Variants in GALNT18 observed in about 807,000 individuals in gnomAD.
GALNT18 encodes the protein GalNAc-transferase 18.
A neutral mutation model predicts 69.5 loss-of-function variants in GALNT18; 44 were observed. The ratio of observed to expected loss-of-function variants is 0.63; its 90% confidence interval spans 0.50 to 0.81. The LOEUF (loss-of-function observed/expected upper bound fraction) is 0.81. Ranked by LOEUF, GALNT18 falls within the 40% of genes least tolerant of loss-of-function variation. The pLI is 0.00. For missense variants in GALNT18, 715 were observed against 810.0 expected (o/e 0.88, Z 1.42); for synonymous variants, 364 against 318.2 (o/e 1.14, Z -1.53).
chr11:11,275,556 T>G (rs1160604192), intron 10 of GALNT18, among the ~76,000 whole-genome samples: 1 of 152,230 alleles, frequency 6.6e-6, no homozygotes, highest in East Asian at 1.9e-4. Context: ...ATTTGTCAAT[T>G]TTGGCTTTTG....
At chr11:11,455,412 G>A (rs1423475900) in intron 1 of GALNT18, among the ~76,000 whole-genome samples, 1 of 152,198 alleles carries the variant, frequency 6.6e-6, no homozygotes, top group Non-Finnish European at 1.5e-5. Context: ...TGCTTGAAGT[G>A]AGGGGAAATG....
rs1353651145 is a variant in GALNT18 at position 11,595,821 on chromosome 11, C to T, written c.235+25538G>A. Among the ~76,000 whole-genome samples the T allele has an allele frequency of 1.3e-5, 2 of 152,102 alleles. No homozygotes were observed. Among genetic ancestry groups the T allele is most frequent in the African/African-American group, 2.4e-5 (1 of 41,420 alleles). On this transcript the variant is annotated intron_variant, in intron 1 of 10. Transcript: ENST00000227756. This position sits in a 1 kb window ranked among gnomAD's most constrained non-coding sequence, Gnocchi z 5.2. ...ATAAATGACTCCCAAATATTTTCCC[C>T]AATTCATTGGATTATCATTTCAAGA...
At chr11:11,510,913 C>G (rs1270118681) in intron 1 of GALNT18, among the ~76,000 whole-genome samples, 1 of 152,136 alleles carries the variant, frequency 6.6e-6, no homozygotes, top group Non-Finnish European at 1.5e-5. Flanking sequence ...AGGCTGCAGG[C>G]CTTCCTGACC....
At chr11:11,428,474 C>T (rs937123070) in intron 3 of GALNT18, among the ~76,000 whole-genome samples, 3 of 152,250 alleles carry the variant, frequency 2.0e-5, no homozygotes, top group East Asian at 3.9e-4. Context: ...CCTGCTGCTG[C>T]GCTTGACTCT....
At chr11:11,310,398 C>T (rs1849650279) in intron 9 of GALNT18, among the ~76,000 whole-genome samples, 1 of 152,130 alleles carries the variant, frequency 6.6e-6, no homozygotes, top group Non-Finnish European at 1.5e-5. Context: ...TGGAGTGCCC[C>T]AAGAAAATAT....
chr11:11,531,985 G>T (rs1307585776), intron 1 of GALNT18, among the ~76,000 whole-genome samples: 1 of 152,198 alleles, frequency 6.6e-6, no homozygotes, highest in Non-Finnish European at 1.5e-5. Context: ...GTGTATGCGT[G>T]TGTGTCATGA....
At chr11:11,418,729 C>CAGA (rs1407778791) in intron 3 of GALNT18, among the ~76,000 whole-genome samples, 1 of 152,186 alleles carries the variant, frequency 6.6e-6, no homozygotes, top group Admixed American at 6.5e-5. Context: ...ATGGCTGACA[C>CAGA]TTGAGAATGC....
chr11:11,305,441 G>A (rs1005912001), intron 9 of GALNT18, among the ~76,000 whole-genome samples: 2 of 152,284 alleles, frequency 1.3e-5, no homozygotes, highest in East Asian at 1.9e-4. Flanking sequence ...TGCAATGCAT[G>A]CTCTTAAGGA....
rs76286216 is a variant in GALNT18 at position 11,282,193 on chromosome 11, G to T, written c.1677+10836C>A. On this transcript the variant is annotated intron_variant, in intron 10 of 10. Coordinates refer to ENST00000227756, the MANE Select transcript of GALNT18 (RefSeq NM_198516.3). ...TGAACAGACTCTTTCTTCTTCTCTC[G>T]GAAAATTTCATTCACAAACATTGCA... 7.2e-3 allele frequency among the ~76,000 whole-genome samples: 1,098 copies of T among 152,102 alleles called. 23 individuals are homozygous for T. Among genetic ancestry groups the T allele is most frequent in the African/African-American group, 0.025 (1,054 of 41,454 alleles).
In GALNT18 at chr11:11,423,562, C is replaced by A. The variant is rs149403613; in HGVS notation, c.595+9059G>T. Among the ~76,000 whole-genome samples the A allele has an allele frequency of 6.3e-3, 958 of 152,322 alleles. 6 individuals are homozygous for A. The highest frequency in any genetic ancestry group is 0.011 in the South Asian group (55 of 4,822). ...GCAAAGCTCCAGGCAAAGCTTGAGG[C>A]TAGGACACAGACACACCCTTCTCTG... On this transcript the variant is annotated intron_variant, in intron 3 of 10. Transcript: ENST00000227756.
intron 10 of GALNT18, among the ~76,000 whole-genome samples, chr11:11,289,993 G>C (rs962620516): frequency 6.6e-6 from 1 of 152,182 alleles, no homozygotes; most frequent in Non-Finnish European, 1.5e-5. Context: ...CCCATGTCTG[G>C]ATGACACCAA....
At position 11,353,290 on chromosome 11, in the gene GALNT18, C is replaced by T. The variant is rs143373580; in HGVS notation, c.1093-12286G>A. On this transcript the variant is annotated intron_variant, in intron 6 of 10. Coordinates refer to ENST00000227756, the MANE Select transcript of GALNT18 (RefSeq NM_198516.3). ...CCTTCTGCTCACACAGACAATATGG[C>T]GGCGATGGAGTGGGGAGCAATTTTC... The T allele has an allele frequency of 8.0e-4, 608 of 755,938 alleles. 2 individuals carry two copies. The African/African-American group carries it at 8.1e-3, about 10-fold the overall frequency. The allele number at this position is 755,938 out of a possible 1,614,324, so 46.8% of individuals were successfully genotyped here.
At chr11:11,453,879 T>C (rs529470318) in intron 1 of GALNT18, among the ~76,000 whole-genome samples, 15 of 152,372 alleles carry the variant, frequency 9.8e-5, no homozygotes, top group Non-Finnish European at 2.1e-4. Flanking sequence ...TACGTCTTTC[T>C]TAGCAGCATG....
chr11:11,394,906 G>A (rs545505493), intron 3 of GALNT18, among the ~76,000 whole-genome samples: 29 of 152,326 alleles, frequency 1.9e-4, no homozygotes, highest in Middle Eastern at 3.4e-3. Flanking sequence ...CCATGGAAAC[G>A]ACTCATAGAC....
intron 1 of GALNT18, among the ~76,000 whole-genome samples, chr11:11,468,750 C>A (rs1456418083): frequency 1.3e-5 from 2 of 152,264 alleles, no homozygotes; most frequent in Admixed American, 1.3e-4. Flanking sequence ...GCTGGTCTAC[C>A]ACTCCACTTC....
intron 2 of GALNT18, among the ~76,000 whole-genome samples, chr11:11,441,129 A>G (rs1011097697): frequency 6.6e-6 from 1 of 152,222 alleles, no homozygotes; most frequent in Admixed American, 6.5e-5. Context: ...AGTAGAACAA[A>G]GCTATCACCT....
intron 6 of GALNT18, among the ~76,000 whole-genome samples, chr11:11,344,785 G>GGT (rs1319464351): frequency 6.6e-6 from 1 of 152,138 alleles, no homozygotes; most frequent in Non-Finnish European, 1.5e-5. Flanking sequence ...AGGAAGCAAA[G>GGT]ACACCCTGAA....
At chr11:11,535,491 C>T (rs1166806883) in intron 1 of GALNT18, among the ~76,000 whole-genome samples, 1 of 152,172 alleles carries the variant, frequency 6.6e-6, no homozygotes, top group East Asian at 1.9e-4. Context: ...CCTTATTGTC[C>T]ATGGAGGCCA....
At chr11:11,394,551 T>A (rs1236366368) in intron 3 of GALNT18, among the ~76,000 whole-genome samples, 2 of 152,228 alleles carry the variant, frequency 1.3e-5, no homozygotes, top group Admixed American at 1.3e-4. Flanking sequence ...TTAAAAACTC[T>A]ACTGTAGCAG....
Sources: gnomAD v4.1 joint callset for allele counts (sites outside exome capture counted in the v4.1 genomes callset) on GRCh38, gnomAD v4.1.1 for gene constraint, Gnocchi (gnomAD v3.1) non-coding constraint, MANE v1.5 for transcripts, NCBI Gene and HGNC (gene_info 2026-07-23, HGNC 2026-07-21) for gene names.